Variants in FHIT observed in about 807,000 individuals in gnomAD.
The protein encoded by FHIT is bis(5'-adenosyl)-triphosphatase.
FHIT carries 19 observed loss-of-function variants against 17.9 expected under a neutral mutation model. The ratio of observed to expected loss-of-function variants is 1.06; its 90% CI spans 0.74 to 1.56. FHIT has a LOEUF of 1.56. Ranked by LOEUF, FHIT falls within the 40% of genes most tolerant of loss-of-function variation. The pLI is 0.00. For synonymous variants in FHIT, 81 were observed against 69.7 expected (o/e 1.16, Z -0.81); for missense variants, 248 against 189.2 (o/e 1.31, Z -1.82).
chr3:60,062,070 T>A (rs945759174), intron 5 of FHIT, among the ~76,000 whole-genome samples: 3 of 152,164 alleles, frequency 2.0e-5, no homozygotes, highest in African/African-American at 7.2e-5. Flanking sequence ...TCTAACATCA[T>A]GAATTTCTGT....
intron 4 of FHIT, chr3:60,690,336 G>A: frequency 3.5e-6 from 2 of 569,766 alleles, no homozygotes; most frequent in Non-Finnish European, 6.9e-6. Flanking sequence ...CCCTGCCAAA[G>A]ACCACTTGCT....
At chr3:59,935,271 C>T (rs1043450746) in intron 7 of FHIT, among the ~76,000 whole-genome samples, 1 of 152,156 alleles carries the variant, frequency 6.6e-6, no homozygotes, top group South Asian at 2.1e-4. Context: ...CACCCTTGTG[C>T]TTCTCAGCTG....
chr3:60,580,309 A>G (rs1169963857), intron 4 of FHIT, among the ~76,000 whole-genome samples: 4 of 152,168 alleles, frequency 2.6e-5, no homozygotes, highest in Admixed American at 6.6e-5. Flanking sequence ...CCTGTTAAAG[A>G]AAAAATGCTT....
At chr3:60,646,677 T>A (rs913114873) in intron 4 of FHIT, among the ~76,000 whole-genome samples, 16 of 152,104 alleles carry the variant, frequency 1.1e-4, no homozygotes, top group African/African-American at 3.9e-4. Context: ...TGAGAAAAAA[T>A]TTTTTGAAAG....
chr3:60,422,377 G>A (rs1702509834), intron 5 of FHIT, among the ~76,000 whole-genome samples: 1 of 152,110 alleles, frequency 6.6e-6, no homozygotes, highest in African/African-American at 2.4e-5. Context: ...GACACAAAGT[G>A]TCTATGTGTA....
intron 2 of FHIT, among the ~76,000 whole-genome samples, chr3:61,176,166 T>C (rs1380527582): frequency 6.6e-6 from 1 of 152,268 alleles, no homozygotes; most frequent in African/African-American, 2.4e-5. Context: ...ACTGAAACTC[T>C]TCCTTGAATA....
chr3:59,844,474 C>G (rs546543668), intron 8 of FHIT, among the ~76,000 whole-genome samples: 1 of 151,530 alleles, frequency 6.6e-6, no homozygotes, highest in Non-Finnish European at 1.5e-5. Context: ...TCTTACTTTT[C>G]CTAGTTTGTT....
chr3:59,820,629 T>G (rs1430130699), intron 8 of FHIT, among the ~76,000 whole-genome samples: 1 of 152,226 alleles, frequency 6.6e-6, no homozygotes, highest in Non-Finnish European at 1.5e-5. Flanking sequence ...AGTGCTAAAG[T>G]GGCAGAGCTG....
chr3:60,064,589 G>A (rs1340876295), intron 5 of FHIT, among the ~76,000 whole-genome samples: 1 of 152,198 alleles, frequency 6.6e-6, no homozygotes, highest in Non-Finnish European at 1.5e-5. Context: ...CTCTAGAGCT[G>A]TCATAGCTAT....
At chr3:60,407,067 ATTT>A (rs34542104) in intron 5 of FHIT, among the ~76,000 whole-genome samples, 40 of 62,896 alleles carry the variant, frequency 6.4e-4, no homozygotes, top group African/African-American at 2.4e-3. Context: ...CCTGCCAATA[ATTT>A]TTTTTTTTTT....
rs771213982 is a variant in FHIT, at chr3:60,342,246, G to A, written c.103+194614C>T. On this transcript the variant is annotated intron_variant, in intron 5 of 9. Transcript: ENST00000492590. ...GTAGTTATTGAATACACAATTGCAT[G>A]AGCAATGTTTAAGGAGCAGAGAGAG... Among the ~76,000 whole-genome samples, 6 of 152,174 alleles carry A rather than the reference G, an allele frequency of 3.9e-5. No homozygotes were observed. The East Asian group carries it at 1.2e-3, about 29-fold the overall frequency.
At chr3:60,102,409 A>G (rs1269609196) in intron 5 of FHIT, among the ~76,000 whole-genome samples, 2 of 152,222 alleles carry the variant, frequency 1.3e-5, no homozygotes, top group Non-Finnish European at 2.9e-5. Context: ...GAAATGCAAC[A>G]TGGGGCGAGT....
intron 5 of FHIT, among the ~76,000 whole-genome samples, chr3:60,260,566 T>C (rs796618899): frequency 4.6e-5 from 7 of 152,200 alleles, no homozygotes; most frequent in African/African-American, 1.7e-4. Flanking sequence ...TAAATGCCTC[T>C]ATAACCTTAA....
chr3:60,147,773 T>C (rs1700304051), intron 5 of FHIT, among the ~76,000 whole-genome samples: 1 of 152,160 alleles, frequency 6.6e-6, no homozygotes, highest in Non-Finnish European at 1.5e-5. Flanking sequence ...GCTGGAAACA[T>C]ATGCCTGCTA....
chr3:59,828,928 T>C (rs1207208830), intron 8 of FHIT, among the ~76,000 whole-genome samples: 1 of 151,340 alleles, frequency 6.6e-6, no homozygotes, highest in Non-Finnish European at 1.5e-5. Flanking sequence ...ACAGAACTCA[T>C]TTTGTATTAT....
intron 5 of FHIT, among the ~76,000 whole-genome samples, chr3:60,280,723 T>G (rs552404026): frequency 4.4e-4 from 67 of 152,264 alleles, no homozygotes; most frequent in Non-Finnish European, 4.7e-4. Flanking sequence ...TTCTATTGTT[T>G]GAAGCTACCA....
At chr3:59,882,290 C>T (rs140898563) in intron 8 of FHIT, among the ~76,000 whole-genome samples, 2 of 152,184 alleles carry the variant, frequency 1.3e-5, no homozygotes, top group African/African-American at 2.4e-5. Flanking sequence ...AAGTTAATAT[C>T]GTTTATGAAA....
At chr3:59,787,792 G>C (rs1003611463) in intron 8 of FHIT, among the ~76,000 whole-genome samples, 6 of 152,218 alleles carry the variant, frequency 3.9e-5, no homozygotes, top group Admixed American at 3.3e-4. Flanking sequence ...TAGAGATTAT[G>C]TATCCTGCCA....
intron 4 of FHIT, among the ~76,000 whole-genome samples, chr3:60,807,272 T>C (rs1553734575): frequency 6.6e-6 from 1 of 152,132 alleles, no homozygotes; most frequent in East Asian, 1.9e-4. Context: ...TAGTTTCCTT[T>C]CCATCACTCA....
Sources: allele counts gnomAD v4.1 joint callset (sites outside exome capture counted in the v4.1 genomes callset), GRCh38; gene constraint gnomAD v4.1.1; transcripts MANE v1.5; gene names NCBI Gene and HGNC (gene_info 2026-07-23, HGNC 2026-07-21).